DMD: variants seen among roughly 807,000 people sequenced by gnomAD.
DMD encodes dystrophin, also known as mutant dystrophin.
In DMD, 63 loss-of-function variants were observed where a neutral mutation model predicts 330.1. The ratio of observed to expected loss-of-function variants is 0.19; its 90% CI spans 0.16 to 0.24. The LOEUF (loss-of-function observed/expected upper bound fraction) is 0.24, where lower values mean the gene tolerates loss of function less well. DMD is among the 10% of genes least tolerant of loss of function. The probability of loss-of-function intolerance (pLI) is 1.00; values close to 1 mark genes in which losing one functional copy is unlikely to be tolerated. For synonymous variants in DMD, 1,223 were observed against 959.8 expected, an observed-to-expected ratio of 1.27 and a Z score of -5.07; for missense variants, 3,344 against 2,684.1, an observed-to-expected ratio of 1.25 and a Z score of -5.43.
intron 13 of DMD, among the ~76,000 whole-genome samples, chrX:32,589,459 C>A (rs2054645294): frequency 9.1e-6 from 1 of 109,700 alleles, no homozygotes; most frequent in African/African-American, 3.3e-5. Flanking sequence ...CATATATATA[C>A]ATATGCACAA....
chrX:31,333,407 CTTTTTTTTTTTTTTTT>C (rs145925904), intron 61 of DMD, among the ~76,000 whole-genome samples: 1 of 39,338 alleles, frequency 2.5e-5, no homozygotes, highest in Non-Finnish European at 4.4e-5. Context: ...CTGCCCCCGC[CTTTTTTTTTTTTTTTT>C]TTTTTTTTTT....
intron 9 of DMD, among the ~76,000 whole-genome samples, chrX:32,670,675 T>C (rs2061577247): frequency 8.9e-6 from 1 of 112,312 alleles, no homozygotes. Flanking sequence ...ATTTGGAATT[T>C]TAAGAAAGTA....
chrX:31,307,453 C>G (rs1053733204), intron 62 of DMD, among the ~76,000 whole-genome samples: 4 of 111,488 alleles, frequency 3.6e-5, no homozygotes, highest in African/African-American at 1.3e-4. Context: ...TATAATGATG[C>G]CTTTTGCTAC....
At chrX:32,213,765 G>GAGATCTA (rs1557216172) in intron 44 of DMD, among the ~76,000 whole-genome samples, 1 of 111,074 alleles carries the variant, frequency 9.0e-6, no homozygotes, top group Admixed American at 9.6e-5. Flanking sequence ...ACCTGAGGTC[G>GAGATCTA]GAGATCTAGA....
At chrX:32,658,203 T>A (rs2060711077) in intron 9 of DMD, among the ~76,000 whole-genome samples, 1 of 111,460 alleles carries the variant, frequency 9.0e-6, no homozygotes, top group Non-Finnish European at 1.9e-5. Flanking sequence ...AGCTATGTAC[T>A]CATTTATTCC....
chrX:31,756,486 A>G (rs866009642), intron 51 of DMD, among the ~76,000 whole-genome samples: 208 of 105,598 alleles, frequency 2.0e-3, no homozygotes, highest in East Asian at 0.013. Context: ...ACACACACAC[A>G]CACGCGCATG....
intron 52 of DMD, among the ~76,000 whole-genome samples, chrX:31,680,554 T>C (rs937329232): frequency 9.1e-6 from 1 of 109,436 alleles, no homozygotes; most frequent in Non-Finnish European, 1.9e-5. Flanking sequence ...TTTTTTGTAT[T>C]TTTAATAGAG....
At chrX:31,807,547 A>AAAAAGAAAAG (rs757551741) in intron 50 of DMD, among the ~76,000 whole-genome samples, 1 of 110,962 alleles carries the variant, frequency 9.0e-6, no homozygotes, top group Non-Finnish European at 1.9e-5. Context: ...GAGGAGCCAA[A>AAAAAGAAAAG]AAAAGAAAAG....
chrX:33,133,829 A>C (rs921929434), intron 1 of DMD, among the ~76,000 whole-genome samples: 1 of 111,922 alleles, frequency 8.9e-6, no homozygotes, highest in African/African-American at 3.2e-5. Context: ...ACAATTCTTC[A>C]TGACCCATTT....
intron 1 of DMD, among the ~76,000 whole-genome samples, chrX:33,288,622 T>C (rs2053469034): frequency 9.0e-6 from 1 of 110,929 alleles, no homozygotes; most frequent in African/African-American, 3.3e-5. Flanking sequence ...CGTCAAACTT[T>C]CCTGCCTCAT....
At chrX:32,503,076 G>A (rs774895972) in intron 18 of DMD, among the ~76,000 whole-genome samples, 7 of 111,755 alleles carry the variant, frequency 6.3e-5, no homozygotes, top group South Asian at 3.8e-4. Flanking sequence ...ATTGTACAGC[G>A]CAGATCTAAT....
intron 1 of DMD, among the ~76,000 whole-genome samples, chrX:33,029,215 A>C (rs1048744345): frequency 1.8e-5 from 2 of 111,864 alleles, no homozygotes; most frequent in Non-Finnish European, 1.9e-5. Flanking sequence ...CACCCATTAG[A>C]CATAAAACTA....
At chrX:32,645,295 C>A (rs1007778550) in intron 9 of DMD, 143 bp from the exon 10 acceptor site, 48 of 611,233 alleles carry the variant, frequency 7.9e-5, no homozygotes, top group Non-Finnish European at 1.1e-4. Flanking sequence ...CAGATACAGA[C>A]AATAGGGAGT....
intron 13 of DMD, among the ~76,000 whole-genome samples, chrX:32,577,550 T>A (rs541177411): frequency 8.9e-6 from 1 of 112,387 alleles, no homozygotes; most frequent in East Asian, 2.8e-4. Context: ...GAGTTGGTCG[T>A]TGTTTACAAT....
intron 76 of DMD, among the ~76,000 whole-genome samples, chrX:31,138,626 A>AGG (rs2035567446): frequency 2.4e-3 from 1 of 409 alleles, no homozygotes; most frequent in African/African-American, 0.01. Flanking sequence ...TGGCAGCAGG[A>AGG]GAGAGAGAGA....
intron 1 of DMD, among the ~76,000 whole-genome samples, chrX:33,280,293 C>G (rs1393853851): frequency 8.9e-6 from 1 of 112,031 alleles, no homozygotes; most frequent in African/African-American, 3.2e-5. Flanking sequence ...TATATTTCTT[C>G]TTAACAGAAT....
At chrX:31,518,549 T>C (rs1325021560) in intron 55 of DMD, among the ~76,000 whole-genome samples, 4 of 110,654 alleles carry the variant, frequency 3.6e-5, no homozygotes, top group Non-Finnish European at 7.6e-5. Flanking sequence ...TTTTATATTA[T>C]ATTTTATGTG....
intron 50 of DMD, among the ~76,000 whole-genome samples, chrX:31,783,676 T>C (rs2091142038): frequency 9.0e-6 from 1 of 110,649 alleles, no homozygotes; most frequent in Admixed American, 9.7e-5. Context: ...TAAATATATA[T>C]ATGCATATGT....
At chrX:32,602,806 T>A (rs780170073) in intron 12 of DMD, among the ~76,000 whole-genome samples, 1 of 111,318 alleles carries the variant, frequency 9.0e-6, no homozygotes, top group South Asian at 3.7e-4. Flanking sequence ...CAAATCTCTT[T>A]GTCACTTCTC....
Sources: gnomAD v4.1 joint callset for allele counts (sites outside exome capture counted in the v4.1 genomes callset) on GRCh38, gnomAD v4.1.1 for gene constraint, MANE v1.5 for transcripts, NCBI Gene and HGNC (gene_info 2026-07-23, HGNC 2026-07-21) for gene names.